MTCL1: variants seen among roughly 807,000 people sequenced by gnomAD.
MTCL1 encodes microtubule crosslinking factor 1, also known as microtubule cross-linking factor 1.
In MTCL1, 79 loss-of-function variants were observed where a neutral mutation model predicts 141.4. That is an observed-to-expected ratio of 0.56 (90% CI 0.47 to 0.67). The LOEUF (loss-of-function observed/expected upper bound fraction) is 0.67, where lower values mean the gene tolerates loss of function less well. Among genes scored for constraint, MTCL1 ranks in the 30% least tolerant of loss-of-function variants. MTCL1 has a pLI of 0.00. For synonymous variants in MTCL1, 914 were observed against 875.8 expected (o/e 1.04, Z -0.77); for missense variants, 2,177 against 2,113.9 (o/e 1.03, Z -0.59).
At position 8,780,480 on chromosome 18, in the gene MTCL1, T is replaced by C. The variant is rs969632039; in HGVS notation, c.417+2588T>C. Reference sequence around the variant, plus strand: ...GAGTGGGGCTGAGTTTCCTTGCAGCTGGACAATGCTGCCCTCTGTGATCTC... The same window carrying C: ...GAGTGGGGCTGAGTTTCCTTGCAGCCGGACAATGCTGCCCTCTGTGATCTC... On this transcript the variant is annotated intron_variant, in intron 5 of 16. Coordinates refer to ENST00000359865, the Ensembl canonical transcript of MTCL1. Among the ~76,000 whole-genome samples the C allele has an allele frequency of 9.9e-5, 15 of 152,238 alleles. 1 individual carries two copies. Among genetic ancestry groups the C allele is most frequent in the African/African-American group, 3.6e-4 (15 of 41,466 alleles).
chr18:8,801,748 C>G (rs1234393773), intron 10 of MTCL1: 1 of 152,208 alleles, frequency 6.6e-6, no homozygotes, highest in Non-Finnish European at 1.5e-5. Context: ...TTTCCTAAGC[C>G]TTTGGGCTGA....
At chr18:8,796,433 A>G (rs1160126217) in exon 9 of MTCL1, 1 of 1,614,202 alleles carries the variant, frequency 6.2e-7, no homozygotes, top group African/African-American at 1.3e-5. Context: ...AGGGAAGCAG[A>G]TGGAGGAGGA....
chr18:8,790,083 A>G (rs964131687), intron 7 of MTCL1, among the ~76,000 whole-genome samples: 4 of 152,164 alleles, frequency 2.6e-5, no homozygotes, highest in African/African-American at 9.6e-5. Flanking sequence ...CTCCAGAGAC[A>G]ACACTGGAGC....
chr18:8,776,989 C>T (rs1167789778), intron 4 of MTCL1, among the ~76,000 whole-genome samples: 1 of 152,066 alleles, frequency 6.6e-6, no homozygotes, highest in African/African-American at 2.4e-5. Flanking sequence ...AATCCCAGCA[C>T]TTTGGGAGGC....
chr18:8,754,391 G>A (rs879665254), intron 4 of MTCL1, among the ~76,000 whole-genome samples: 1 of 152,146 alleles, frequency 6.6e-6, no homozygotes, highest in Non-Finnish European at 1.5e-5. Context: ...TTTTAAGCAA[G>A]CATCTATAAA....
Position 8,830,712 on chromosome 18 carries a change from C to T in MTCL1, c.*19-895C>T, listed in dbSNP as rs757024621. 1.6e-5 allele frequency: 16 copies of T among 985,352 alleles called. No individual in the cohort carries two copies. Among genetic ancestry groups the T allele is most frequent in the Non-Finnish European group, 1.9e-5 (16 of 829,948 alleles). 61.0% of individuals were successfully genotyped at this position (985,352 alleles called of 1,614,324 possible). A position where few individuals can be genotyped will look rare whatever the true frequency, so the allele number is the denominator to read the frequency against. On this transcript the variant is annotated intron_variant, in intron 16 of 16. Transcript: ENST00000359865. The surrounding 1 kb of genome is among the most constrained non-coding windows in gnomAD (Gnocchi z 6.4). Reference sequence around the variant, plus strand: ...AGTGTCTGAGTGTCATTCCAGCCAGCGGGCTCCATGCTGGGCAACTCAGTT... The same window carrying T: ...AGTGTCTGAGTGTCATTCCAGCCAGTGGGCTCCATGCTGGGCAACTCAGTT...
chr18:8,786,134 C>G (rs920316326), intron 7 of MTCL1, 43 bp downstream of exon 6: 7 of 1,529,436 alleles, frequency 4.6e-6, no homozygotes, highest in Non-Finnish European at 3.5e-6. Context: ...CCTCCCCCTC[C>G]TTTTTCTGTG....
chr18:8,728,786 A>G, intron 4 of MTCL1, among the ~76,000 whole-genome samples: 1 of 40,656 alleles, frequency 2.5e-5, no homozygotes, highest in South Asian at 1.3e-3. Context: ...GCTGGAGTGC[A>G]GTGGCGTGAT....
chr18:8,805,388 T>G (rs1289117665), intron 10 of MTCL1, among the ~76,000 whole-genome samples: 1 of 152,228 alleles, frequency 6.6e-6, no homozygotes, highest in Non-Finnish European at 1.5e-5. Context: ...ATTAACTTGC[T>G]TAGGATAATG....
At chr18:8,777,974 C>T in intron 5 of MTCL1, 82 bp downstream of exon 4, 1 of 1,340,324 alleles carries the variant, frequency 7.5e-7, no homozygotes, top group Non-Finnish European at 1.1e-6. Flanking sequence ...TAAGTGTTAG[C>T]TTTGCCTTTA....
At chr18:8,808,146 G>A (rs1207457232) in intron 11 of MTCL1, among the ~76,000 whole-genome samples, 1 of 152,222 alleles carries the variant, frequency 6.6e-6, no homozygotes, top group Non-Finnish European at 1.5e-5. Context: ...GGCATCAAGT[G>A]AGAGAGCAGC....
At chr18:8,803,441 C>T (rs576157266) in intron 10 of MTCL1, among the ~76,000 whole-genome samples, 4 of 152,178 alleles carry the variant, frequency 2.6e-5, no homozygotes, top group Non-Finnish European at 5.9e-5. Flanking sequence ...ATAGGAAGCA[C>T]CTATAATATT....
At chr18:8,824,896 C>G in exon 15 of MTCL1, 1 of 1,613,860 alleles carries the variant, frequency 6.2e-7, no homozygotes, top group Non-Finnish European at 8.5e-7. Context: ...GGTGGGGGGC[C>G]GGACCTTTGG....
At chr18:8,785,555 A>G (rs2096549869) in intron 6 of MTCL1, 2 of 234,696 alleles carry the variant, frequency 8.5e-6, no homozygotes, top group South Asian at 1.2e-4. Context: ...ACCCACAAGT[A>G]AGGAAGGAAG....
At chr18:8,824,947 G>A (rs1381413790) in exon 15 of MTCL1, 1 of 1,613,550 alleles carries the variant, frequency 6.2e-7, no homozygotes, top group Non-Finnish European at 8.5e-7. Flanking sequence ...CACGAGGACA[G>A]CACAGAGCCT....
chr18:8,783,539 GC>G lies in MTCL1; in HGVS notation c.429del (p.Asp144IlefsTer2), dbSNP rs767982561. 1 of 1,600,598 alleles carries G rather than the reference GC, an allele frequency of 6.2e-7. No individual in the cohort carries two copies. The highest frequency in any genetic ancestry group is 1.3e-5 in the African/African-American group (1 of 74,840). On this transcript the variant is annotated frameshift_variant, in exon 6 of 17. Coordinates refer to ENST00000359865, the Ensembl canonical transcript of MTCL1. LOFTEE classifies it high-confidence loss of function. ...TGTTCTCTCCTGGCAGGATGACAGTGCCGATTTGAGGTGCCAGCTCCAGTTT... is the reference window on the plus strand; with the variant it reads ...TGTTCTCTCCTGGCAGGATGACAGTGCGATTTGAGGTGCCAGCTCCAGTTT...
intron 4 of MTCL1, among the ~76,000 whole-genome samples, chr18:8,770,838 GT>G (rs1384615539): frequency 1.3e-5 from 2 of 152,106 alleles, no homozygotes; most frequent in East Asian, 1.9e-4. Flanking sequence ...AAGTGGATTT[GT>G]TTTTTTGGGT....
chr18:8,754,212 A>G (rs1385433340), intron 4 of MTCL1, among the ~76,000 whole-genome samples: 3 of 152,166 alleles, frequency 2.0e-5, no homozygotes, highest in Non-Finnish European at 4.4e-5. Context: ...CTGGGATCAC[A>G]GGTGTGCACC....
chr18:8,744,598 G>A (rs2096325013), intron 4 of MTCL1, among the ~76,000 whole-genome samples: 1 of 148,726 alleles, frequency 6.7e-6, no homozygotes, highest in Non-Finnish European at 1.5e-5. Context: ...TCTTCTTTCT[G>A]TTTTTAATTT....
Sources: allele counts gnomAD v4.1 joint callset (sites outside exome capture counted in the v4.1 genomes callset), GRCh38; gene constraint gnomAD v4.1.1; non-coding constraint Gnocchi (gnomAD v3.1); transcripts MANE v1.5; gene names NCBI Gene and HGNC (gene_info 2026-07-23, HGNC 2026-07-21).